Variants in STAU1 observed in about 807,000 individuals in gnomAD.
The protein encoded by STAU1 is staufen double-stranded RNA binding protein 1.
Under a neutral mutation model 62.9 loss-of-function variants are expected in STAU1, and 13 were observed. The ratio of observed to expected loss-of-function variants is 0.21; its 90% CI spans 0.13 to 0.33. The LOEUF is 0.33. STAU1 is among the 10% of genes least tolerant of loss of function. STAU1 has a pLI of 1.00. For missense variants in STAU1, 571 were observed against 712.1 expected (o/e 0.80, Z 2.25); for synonymous variants, 269 against 265.1 (o/e 1.01, Z -0.14).
At chr20:49,178,949 C>T (rs1294821322) in intron 1 of STAU1, among the ~76,000 whole-genome samples, 2 of 146,232 alleles carry the variant, frequency 1.4e-5, no homozygotes, top group East Asian at 4.0e-4. Flanking sequence ...GGCATGGTGG[C>T]GGGCACCTGT....
intron 5 of STAU1, among the ~76,000 whole-genome samples, chr20:49,150,783 G>A (rs562893277): frequency 6.6e-6 from 1 of 152,240 alleles, no homozygotes; most frequent in South Asian, 2.1e-4. Context: ...TAAGCCTTAA[G>A]AAACTGGCAG....
intron 5 of STAU1, among the ~76,000 whole-genome samples, chr20:49,142,534 ACAG>A (rs1371433396): frequency 1.3e-5 from 2 of 152,208 alleles, no homozygotes; most frequent in African/African-American, 4.8e-5. Context: ...GTTCTCAACC[ACAG>A]CAGCACTACA....
chr20:49,193,538 G>A, the STAU1 span, among the ~76,000 whole-genome samples: 4 of 152,152 alleles, frequency 2.6e-5, no homozygotes, highest in Non-Finnish European at 4.4e-5. Flanking sequence ...GGGCGTGATG[G>A]TGCCCACCTG....
chr20:49,134,787 T>C, intron 6 of STAU1: 1 of 1,253,966 alleles, frequency 8.0e-7, no homozygotes, highest in Non-Finnish European at 1.2e-6. Context: ...ATCATTAGTT[T>C]TCCCATTCCT....
rs751744032 is a variant in STAU1, at chr20:49,123,226, T to G, written c.832A>C (p.Ser278Arg). The change falls in exon 8 of 14, where the codon AGC (serine) becomes CGC (arginine). Residue 278 changes from serine to arginine, a missense_variant. By Grantham distance (110) the Ser-to-Arg change is moderately radical (BLOSUM62 -1). This residue lies in a region of STAU1 where 414 missense variants were observed against 499.6 expected (regional missense o/e 0.83). Coordinates refer to ENST00000371856, the MANE Select transcript of STAU1 (RefSeq NM_017453.4). Reference sequence around the variant, plus strand: ...TTGATCCCCTGGCCATATTCTGGGCTTGTCTGTGGCTGAGGAACAAACAAG... The same window carrying G: ...TTGATCCCCTGGCCATATTCTGGGCGTGTCTGTGGCTGAGGAACAAACAAG... ...KTKPIVKPQTSPEYGQGINPI... is the reference protein window; with the variant it reads ...KTKPIVKPQTRPEYGQGINPI... 1.2e-6 allele frequency: 2 copies of G among 1,614,096 alleles called. No homozygotes were observed. Among genetic ancestry groups the G allele is most frequent in the African/African-American group, 2.7e-5 (2 of 74,938 alleles).
the STAU1 span, among the ~76,000 whole-genome samples, chr20:49,210,197 G>T: frequency 6.6e-6 from 1 of 152,160 alleles, no homozygotes; most frequent in Non-Finnish European, 1.5e-5. Context: ...TCCTGGGCTG[G>T]ATCTCCTGTT....
At chr20:49,142,069 C>CAACAAA (rs1229325911) in intron 5 of STAU1, among the ~76,000 whole-genome samples, 18 of 151,794 alleles carry the variant, frequency 1.2e-4, no homozygotes, top group Admixed American at 6.6e-4. Flanking sequence ...ACAAGAACAA[C>CAACAAA]AACAACAACA....
intron 5 of STAU1, among the ~76,000 whole-genome samples, chr20:49,142,517 GC>G (rs1268009491): frequency 6.6e-6 from 1 of 152,112 alleles, no homozygotes; most frequent in Non-Finnish European, 1.5e-5. Flanking sequence ...TACACCCTAA[GC>G]CAGTGGTTCT....
the STAU1 span, among the ~76,000 whole-genome samples, chr20:49,193,402 G>T: frequency 1.3e-5 from 2 of 152,130 alleles, no homozygotes; most frequent in African/African-American, 4.8e-5. Flanking sequence ...GGCCGGGCCG[G>T]TAGCTCACAC....
intron 3 of STAU1, among the ~76,000 whole-genome samples, chr20:49,156,229 T>G (rs2093354504): frequency 6.6e-6 from 1 of 152,200 alleles, no homozygotes; most frequent in African/African-American, 2.4e-5. Context: ...CTATACACTC[T>G]TATCAAAAAT....
intron 3 of STAU1, among the ~76,000 whole-genome samples, chr20:49,156,808 C>T (rs1042367073): frequency 3.3e-5 from 5 of 152,004 alleles, no homozygotes; most frequent in African/African-American, 1.2e-4. Flanking sequence ...CTGTCATCCC[C>T]TTCTTATCCT....
the STAU1 span, among the ~76,000 whole-genome samples, chr20:49,200,705 A>G: frequency 3.3e-5 from 5 of 152,010 alleles, no homozygotes; most frequent in Non-Finnish European, 4.4e-5. Context: ...AAAAGCCCCC[A>G]TATTGTTTGC....
chr20:49,131,756 T>TCCAGGAGGATTC (rs1568845384), intron 6 of STAU1, among the ~76,000 whole-genome samples: 1 of 151,690 alleles, frequency 6.6e-6, no homozygotes, highest in Non-Finnish European at 1.5e-5. Flanking sequence ...GGCAGGAGAA[T>TCCAGGAGGATTC]TGCTTGAATC....
At chr20:49,185,296 C>G (rs2093773868) in intron 1 of STAU1, among the ~76,000 whole-genome samples, 2 of 152,188 alleles carry the variant, frequency 1.3e-5, no homozygotes, top group South Asian at 4.1e-4. Flanking sequence ...AAAGGCAGGT[C>G]TCTGCCAAAA....
chr20:49,158,631 G>A lies in STAU1; in HGVS notation c.206-4560C>T. ...TCGAGACCAGCCTGGCCTACATAGT[G>A]AAACCCCATCTCTACTAAAAATGCA... On this transcript the variant is annotated intron_variant, in intron 3 of 13. Coordinates refer to ENST00000371856, the MANE Select transcript of STAU1 (RefSeq NM_017453.4). The A allele has an allele frequency of 1.2e-5, 8 of 650,384 alleles. No individual in the cohort carries two copies. The South Asian group carries it at 1.3e-4, about 11-fold the overall frequency. The allele number at this position is 650,384 out of a possible 1,614,324, so 40.3% of individuals were successfully genotyped here. A position where few individuals can be genotyped will look rare whatever the true frequency, so the allele number is the denominator to read the frequency against.
At chr20:49,149,236 G>C (rs1264142662) in intron 5 of STAU1, among the ~76,000 whole-genome samples, 3 of 141,802 alleles carry the variant, frequency 2.1e-5, no homozygotes, top group East Asian at 2.1e-4. Flanking sequence ...GGGTGACAGG[G>C]AGAGACTGTC....
chr20:49,195,925 G>GA, the STAU1 span, among the ~76,000 whole-genome samples: 45,395 of 90,716 alleles, frequency 0.5, 13,193 homozygotes, highest in East Asian at 0.77. Flanking sequence ...AAAGAAAAAA[G>GA]AAAAAAAAAA....
chr20:49,170,353 A>G (rs1361338627), intron 2 of STAU1, among the ~76,000 whole-genome samples: 2 of 152,202 alleles, frequency 1.3e-5, no homozygotes, highest in East Asian at 3.8e-4. Context: ...GCAATTATGG[A>G]AAAACATTTT....
chr20:49,207,403 T>C, the STAU1 span, among the ~76,000 whole-genome samples: 1 of 152,092 alleles, frequency 6.6e-6, no homozygotes. Flanking sequence ...GTGGAAGAAA[T>C]AGAGAAGTCC....
Sources: gnomAD v4.1 joint callset for allele counts (sites outside exome capture counted in the v4.1 genomes callset) on GRCh38, gnomAD v4.1.1 for gene constraint, gnomAD v4.1.1 regional missense constraint, MANE v1.5 for transcripts, NCBI Gene and HGNC (gene_info 2026-07-23, HGNC 2026-07-21) for gene names.